MAP3K20: variants seen among roughly 807,000 people sequenced by gnomAD.
MAP3K20 encodes the protein HCCS-4.
MAP3K20 carries 40 observed loss-of-function variants against 85.7 expected under a neutral mutation model. The observed-to-expected ratio is 0.47, with a 90% CI of 0.36 to 0.61. The LOEUF (loss-of-function observed/expected upper bound fraction) is 0.61, where lower values mean the gene tolerates loss of function less well. Ranked by LOEUF, MAP3K20 falls within the 20% of genes least tolerant of loss-of-function variation. The pLI, the probability that MAP3K20 is intolerant of heterozygous loss-of-function variation, is 0.00. For synonymous variants in MAP3K20, 325 were observed against 327.7 expected (o/e 0.99, Z 0.09); for missense variants, 817 against 961.7 (o/e 0.85, Z 1.99).
rs10708654 is a variant in MAP3K20 at position 173,162,687 on chromosome 2, CAA to C, written c.160-7100_160-7099del. 9.3e-3 allele frequency among the ~76,000 whole-genome samples: 1,013 copies of C among 108,624 alleles called. 15 individuals are homozygous for C. The highest frequency in any genetic ancestry group is 0.039 in the South Asian group (125 of 3,194). 71.3% of individuals were successfully genotyped at this position (108,624 alleles called of 152,430 possible). A position where few individuals can be genotyped will look rare whatever the true frequency, so the allele number is the denominator to read the frequency against. ...GGCGACAAGAATGAAACTCCGTCTC[CAA>C]AAAAAAAAAAAAAAAAATTGGTGAG... On this transcript the variant is annotated intron_variant, in intron 2 of 19. Transcript: ENST00000375213.
chr2:173,232,495 C>A, intron 14 of MAP3K20, 36 bp downstream of exon 14: 4 of 1,601,216 alleles, frequency 2.5e-6, no homozygotes, highest in Non-Finnish European at 3.4e-6. Flanking sequence ...ATCAGCAAAC[C>A]CTTTTTTTGT....
At chr2:173,254,044 C>T (rs1685100633) in intron 16 of MAP3K20, among the ~76,000 whole-genome samples, 1 of 147,576 alleles carries the variant, frequency 6.8e-6, no homozygotes, top group Admixed American at 6.8e-5. Flanking sequence ...GCCCTCCAGC[C>T]CGGGTGACAG....
chr2:173,263,085 C>T (rs1021629537), intron 18 of MAP3K20, among the ~76,000 whole-genome samples: 4 of 152,192 alleles, frequency 2.6e-5, no homozygotes, highest in African/African-American at 9.7e-5. Flanking sequence ...ATCCTGGAGA[C>T]TCTTTAATTG....
chr2:173,107,835 GCT>G (rs1405034651), intron 2 of MAP3K20, among the ~76,000 whole-genome samples: 2 of 152,176 alleles, frequency 1.3e-5, no homozygotes, highest in African/African-American at 2.4e-5. Context: ...CTCCTACTCA[GCT>G]CTCAGTGCGT....
At chr2:173,103,121 T>C (rs1687682064) in intron 2 of MAP3K20, among the ~76,000 whole-genome samples, 1 of 152,186 alleles carries the variant, frequency 6.6e-6, no homozygotes, top group South Asian at 2.1e-4. Flanking sequence ...TTGGTGGCTA[T>C]TTTAAAATAT....
At chr2:173,169,750 T>C in intron 2 of MAP3K20, 55 bp from the exon 3 acceptor site, 2 of 1,548,472 alleles carry the variant, frequency 1.3e-6, no homozygotes, top group South Asian at 2.3e-5. Flanking sequence ...CCTGTTTTAT[T>C]TGACTATTAT....
chr2:173,244,609 T>A (rs1357083536), intron 16 of MAP3K20, among the ~76,000 whole-genome samples: 1 of 152,150 alleles, frequency 6.6e-6, no homozygotes, highest in Non-Finnish European at 1.5e-5. Flanking sequence ...ATGTGCTAGA[T>A]CTCACACCTG....
chr2:173,179,930 T>C (rs935843436), intron 3 of MAP3K20, among the ~76,000 whole-genome samples: 2 of 152,290 alleles, frequency 1.3e-5, no homozygotes, highest in South Asian at 4.1e-4. Context: ...AGTATAAGAC[T>C]TGTACAATGA....
At chr2:173,178,196 C>T (rs980052923) in intron 3 of MAP3K20, among the ~76,000 whole-genome samples, 3 of 152,198 alleles carry the variant, frequency 2.0e-5, no homozygotes, top group Admixed American at 6.5e-5. Context: ...AAAGAAAGAG[C>T]AGTGCTATGG....
At chr2:173,231,059 C>T (rs1684514204) in intron 12 of MAP3K20, among the ~76,000 whole-genome samples, 1 of 152,136 alleles carries the variant, frequency 6.6e-6, no homozygotes, top group Non-Finnish European at 1.5e-5. Flanking sequence ...GTCTATTTAA[C>T]AAGCTCAGGG....
intron 8 of MAP3K20, among the ~76,000 whole-genome samples, chr2:173,201,988 A>G (rs6721403): frequency 1.1e-4 from 16 of 152,318 alleles, no homozygotes; most frequent in African/African-American, 3.1e-4. Flanking sequence ...AGTTCTCAGG[A>G]AAATGTTGAG....
rs986723898 is a variant in MAP3K20, at chr2:173,226,757, T to A, written c.988-2932T>A. 6 of 985,644 alleles carry A rather than the reference T, an allele frequency of 6.1e-6. No homozygotes were observed. The African/African-American group carries it at 1.0e-4, about 17-fold the overall frequency. 61.1% of individuals were successfully genotyped at this position (985,644 alleles called of 1,614,324 possible). ...TCTTTTAATGTCAGATATGATACAC[T>A]GCACATATTGCTTTTGCACTCTTAA... On this transcript the variant is annotated intron_variant, in intron 11 of 19. Transcript: ENST00000375213.
rs375910223 is a variant in MAP3K20, at chr2:173,146,938, G to C, written c.160-22867G>C. On this transcript the variant is annotated intron_variant, in intron 2 of 19. Coordinates refer to ENST00000375213, the MANE Select transcript of MAP3K20 (RefSeq NM_016653.3). Reference sequence around the variant, plus strand: ...TGGTTTCTAGTTCTGGTTTTGATTTGCATTTCCCTAATGAATAATGACGGT... The same window carrying C: ...TGGTTTCTAGTTCTGGTTTTGATTTCCATTTCCCTAATGAATAATGACGGT... Among the ~76,000 whole-genome samples, 271 of 152,226 alleles carry C rather than the reference G, an allele frequency of 1.8e-3. 4 individuals are homozygous for C. The South Asian group carries it at 0.037, about 21-fold the overall frequency.
chr2:173,246,535 T>C (rs187247914), intron 16 of MAP3K20, among the ~76,000 whole-genome samples: 2 of 152,328 alleles, frequency 1.3e-5, no homozygotes, highest in African/African-American at 4.8e-5. Flanking sequence ...GGAATATTGA[T>C]TCTCAAATTG....
intron 1 of MAP3K20, among the ~76,000 whole-genome samples, chr2:173,082,878 A>C (rs1403355697): frequency 6.6e-6 from 1 of 152,218 alleles, no homozygotes; most frequent in Non-Finnish European, 1.5e-5. Context: ...TCCACGCAGC[A>C]TTTCTGTGGC....
At chr2:173,145,474 C>A (rs1689110959) in intron 2 of MAP3K20, among the ~76,000 whole-genome samples, 1 of 152,132 alleles carries the variant, frequency 6.6e-6, no homozygotes, top group Admixed American at 6.5e-5. Context: ...TTAGAATAGT[C>A]ATCTCACAAA....
intron 2 of MAP3K20, among the ~76,000 whole-genome samples, chr2:173,104,448 G>A (rs1687726835): frequency 6.6e-6 from 1 of 152,138 alleles, no homozygotes. Context: ...CAGACCACAA[G>A]AGATAAGGAA....
chr2:173,258,432 T>C (rs1356381753), intron 16 of MAP3K20, among the ~76,000 whole-genome samples: 1 of 152,210 alleles, frequency 6.6e-6, no homozygotes, highest in Non-Finnish European at 1.5e-5. Flanking sequence ...CTTTTTATTA[T>C]CTGCCTAGTC....
intron 2 of MAP3K20, among the ~76,000 whole-genome samples, chr2:173,139,931 G>C (rs1688917874): frequency 6.6e-6 from 1 of 152,048 alleles, no homozygotes; most frequent in African/African-American, 2.4e-5. Context: ...TACATGTTCA[G>C]TGTAAAACAA....
Sources: allele counts gnomAD v4.1 joint callset (sites outside exome capture counted in the v4.1 genomes callset), GRCh38; gene constraint gnomAD v4.1.1; transcripts MANE v1.5; gene names NCBI Gene and HGNC (gene_info 2026-07-23, HGNC 2026-07-21).